SYNGR4: variants seen among roughly 807,000 people sequenced by gnomAD.
SYNGR4 encodes synaptogyrin-4.
SYNGR4 carries 15 observed loss-of-function variants against 15.5 expected under a neutral mutation model. The ratio of observed to expected loss-of-function variants is 0.97; its 90% CI spans 0.65 to 1.49. The LOEUF is 1.49. SYNGR4 is among the 40% of genes most tolerant of loss of function. The probability of loss-of-function intolerance (pLI) is 0.00; values close to 1 mark genes in which losing one functional copy is unlikely to be tolerated. For synonymous variants in SYNGR4, 121 were observed against 127.4 expected, an observed-to-expected ratio of 0.95 and a Z score of 0.34; for missense variants, 292 against 299.3, an observed-to-expected ratio of 0.98 and a Z score of 0.18.
chr19:48,371,528 AG>A (rs1454455755), intron 2 of SYNGR4, among the ~76,000 whole-genome samples: 1 of 151,976 alleles, frequency 6.6e-6, no homozygotes, highest in East Asian at 1.9e-4. Context: ...GGGCAGACTC[AG>A]AAGCCAGGCT....
chr19:48,364,270 C>A (rs1970147959), upstream of SYNGR4: 1 of 366,558 alleles, frequency 2.7e-6, no homozygotes, highest in Non-Finnish European at 5.0e-6. Context: ...GTGTCAGCTC[C>A]TGAGTAGGCG....
chr19:48,370,488 A>G (rs1224101155), intron 2 of SYNGR4, among the ~76,000 whole-genome samples: 3 of 152,106 alleles, frequency 2.0e-5, no homozygotes, highest in African/African-American at 7.2e-5. Flanking sequence ...GTCTCAAAAA[A>G]AGAAAAAAGA....
intron 2 of SYNGR4, 75 bp downstream of exon 2, chr19:48,366,010 G>A (rs918864568): frequency 9.5e-6 from 14 of 1,467,950 alleles, no homozygotes; most frequent in Admixed American, 1.7e-5. Context: ...GACACAGTGC[G>A]GGAGATGGGA....
At chr19:48,375,786 G>A (rs769498087) in intron 4 of SYNGR4, 34 bp downstream of exon 4, 69 of 1,599,732 alleles carry the variant, frequency 4.3e-5, no homozygotes, top group Non-Finnish European at 5.6e-5. Context: ...CCCTCCCTAG[G>A]AGGGCACCCT....
intron 4 of SYNGR4, 159 bp from the exon 5 acceptor site, chr19:48,375,926 C>A: frequency 6.6e-7 from 1 of 1,517,830 alleles, no homozygotes; most frequent in South Asian, 1.2e-5. Context: ...GCAGCCACAG[C>A]CCAGCATCAG....
chr19:48,374,446 G>A (rs531968978), intron 3 of SYNGR4, among the ~76,000 whole-genome samples: 88 of 152,256 alleles, frequency 5.8e-4, no homozygotes, highest in African/African-American at 1.8e-3. Context: ...CACAAAATGT[G>A]TGTCCTTCTT....
chr19:48,375,547 A>G, intron 3 of SYNGR4, 66 bp from the exon 4 acceptor site: 1 of 1,564,616 alleles, frequency 6.4e-7, no homozygotes, highest in Non-Finnish European at 8.7e-7. Flanking sequence ...CATCCTTCCC[A>G]TGCCTCAGCA....
At chr19:48,365,312 A>T (rs545159786) in intron 1 of SYNGR4, among the ~76,000 whole-genome samples, 18 of 48,026 alleles carry the variant, frequency 3.7e-4, no homozygotes, top group South Asian at 2.5e-3. Context: ...CCCCCACTTC[A>T]GGGACCCCTA....
At chr19:48,370,939 A>C (rs758503136) in intron 2 of SYNGR4, among the ~76,000 whole-genome samples, 3 of 152,008 alleles carry the variant, frequency 2.0e-5, no homozygotes, top group African/African-American at 4.8e-5. Context: ...CCTCCGATCC[A>C]TCAGCCACGT....
chr19:48,366,776 C>T (rs1350416182), intron 2 of SYNGR4, among the ~76,000 whole-genome samples: 1 of 152,134 alleles, frequency 6.6e-6, no homozygotes, highest in Non-Finnish European at 1.5e-5. Context: ...TCACTTTGCA[C>T]TAATTAAAAT....
rs758929004 is a variant in SYNGR4, at chr19:48,373,639, C to A, written c.216C>A (p.Ala72=). Residue 72 remains alanine (A), a synonymous_variant, in exon 3 of 5, where the codon GCC becomes GCA. Transcript: ENST00000344846. ...NSVACSFAVG[A]GFLAFLSCLA... is the part of the protein sequence containing the mutation. ...TGGCCTGCAGCTTTGCCGTGGGAGC[C>A]GGCTTCCTGGCCTTCCTCAGCTGCC... 1 of 1,613,862 alleles carries A rather than the reference C, an allele frequency of 6.2e-7. No homozygotes were observed. The highest frequency in any genetic ancestry group is 8.5e-7 in the Non-Finnish European group (1 of 1,180,026).
chr19:48,375,992 T>C, intron 4 of SYNGR4, 93 bp from the exon 5 acceptor site: 1 of 1,589,730 alleles, frequency 6.3e-7, no homozygotes, highest in Non-Finnish European at 8.5e-7. Context: ...CACCGGTATC[T>C]TTTGTCTCCT....
At chr19:48,371,770 A>G (rs1970311809) in intron 2 of SYNGR4, among the ~76,000 whole-genome samples, 1 of 151,476 alleles carries the variant, frequency 6.6e-6, no homozygotes, top group Admixed American at 6.6e-5. Flanking sequence ...AAGTTTTGGT[A>G]GATACTAGGT....
At chr19:48,364,744 C>T (rs931758606) in intron 1 of SYNGR4, among the ~76,000 whole-genome samples, 1 of 152,064 alleles carries the variant, frequency 6.6e-6, no homozygotes, top group Non-Finnish European at 1.5e-5. Flanking sequence ...CTGTCACCCC[C>T]AAACCTGAAA....
At chr19:48,370,459 C>A (rs1206713941) in intron 2 of SYNGR4, among the ~76,000 whole-genome samples, 7 of 151,976 alleles carry the variant, frequency 4.6e-5, no homozygotes, top group Admixed American at 3.9e-4. Context: ...CTCCGGCCTG[C>A]AAGACACAGT....
chr19:48,375,515 C>A, intron 3 of SYNGR4, 98 bp from the exon 4 acceptor site: 1 of 1,460,410 alleles, frequency 6.8e-7, no homozygotes, highest in Non-Finnish European at 9.3e-7. Context: ...CGTGGAAGTT[C>A]GTGCAGCAAG....
chr19:48,375,496 TC>T, intron 3 of SYNGR4, 116 bp from the exon 4 acceptor site: 1 of 1,338,776 alleles, frequency 7.5e-7, no homozygotes, highest in Non-Finnish European at 1.0e-6. Flanking sequence ...AAAGTATTTT[TC>T]AATACCTCGT....
At chr19:48,372,186 C>T (rs1970317957) in intron 2 of SYNGR4, among the ~76,000 whole-genome samples, 1 of 152,154 alleles carries the variant, frequency 6.6e-6, no homozygotes, top group Non-Finnish European at 1.5e-5. Flanking sequence ...CGCCCAGCCA[C>T]TGGCCAGCTA....
At chr19:48,375,850 TG>T in intron 4 of SYNGR4, 98 bp downstream of exon 4, 1 of 1,547,110 alleles carries the variant, frequency 6.5e-7, no homozygotes, top group Non-Finnish European at 8.7e-7. Flanking sequence ...TTAGCTCCCC[TG>T]GGGGTCAGGG....
Sources: allele counts gnomAD v4.1 joint callset (sites outside exome capture counted in the v4.1 genomes callset), GRCh38; gene constraint gnomAD v4.1.1; transcripts MANE v1.5; gene names NCBI Gene and HGNC (gene_info 2026-07-23, HGNC 2026-07-21).